Variants in NPAS2 observed in about 807,000 individuals in gnomAD.
NPAS2 encodes neuronal PAS domain-containing protein 2.
NPAS2 carries 23 observed loss-of-function variants against 107.5 expected under a neutral mutation model. That is an observed-to-expected ratio of 0.21 (90% confidence interval 0.15 to 0.30). The LOEUF is 0.30. Among genes scored for constraint, NPAS2 ranks in the 10% least tolerant of loss-of-function variants. The pLI is 1.00. For missense variants in NPAS2, 756 were observed against 1,043.3 expected (o/e 0.72, Z 3.79); for synonymous variants, 403 against 417.5 (o/e 0.97, Z 0.42).
chr2:100,830,256 T>C (rs1187416479), intron 1 of NPAS2, among the ~76,000 whole-genome samples: 1 of 152,204 alleles, frequency 6.6e-6, no homozygotes, highest in Non-Finnish European at 1.5e-5. Context: ...TATGAATGCC[T>C]ATATTTTTTG....
chr2:100,861,994 T>C (rs1678971688), intron 1 of NPAS2, among the ~76,000 whole-genome samples: 1 of 152,210 alleles, frequency 6.6e-6, no homozygotes, highest in South Asian at 2.1e-4. Flanking sequence ...TGTATACATA[T>C]GTATGTCTAT....
At chr2:100,825,398 A>G (rs1676312876) in intron 1 of NPAS2, among the ~76,000 whole-genome samples, 1 of 152,356 alleles carries the variant, frequency 6.6e-6, no homozygotes, top group Non-Finnish European at 1.5e-5. Flanking sequence ...TTTTCTATGC[A>G]TTGAAATATT....
chr2:100,921,802 A>C (rs1400074439), intron 2 of NPAS2, among the ~76,000 whole-genome samples: 1 of 152,184 alleles, frequency 6.6e-6, no homozygotes, highest in Admixed American at 6.5e-5. Context: ...CGCTTAGCAG[A>C]TGACCCAGCA....
intron 1 of NPAS2, among the ~76,000 whole-genome samples, chr2:100,841,545 G>T (rs1677400318): frequency 2.0e-5 from 3 of 152,318 alleles, no homozygotes; most frequent in South Asian, 2.1e-4. Context: ...CCCTATTTGT[G>T]TGCCTAAGAT....
Position 100,993,500 on chromosome 2 carries a change from G to T in NPAS2, c.2265G>T (p.Arg755=). The change falls in exon 20 of 21, where the codon CGG becomes CGT. Residue 755 remains arginine, a synonymous_variant. Coordinates refer to ENST00000335681, the MANE Select transcript of NPAS2 (RefSeq NM_002518.4). ...QPSPLQPAQA[R]QQPPQHYLQV... is the part of the protein sequence containing the mutation. The stretch of plus-strand genomic sequence containing the variant: ...CGCCCCTGCAGCCTGCACAGGCCCG[G>T]CAGCAGCCACCGCAGCACTACCTGC... 6.3e-7 allele frequency: 1 copy of T among 1,593,948 alleles called. No homozygotes were observed. Among genetic ancestry groups the T allele is most frequent in the Non-Finnish European group, 8.5e-7 (1 of 1,170,426 alleles).
intron 1 of NPAS2, among the ~76,000 whole-genome samples, chr2:100,840,898 G>T (rs1677357308): frequency 6.6e-6 from 1 of 152,112 alleles, no homozygotes; most frequent in Admixed American, 6.6e-5. Context: ...CTAGAACACG[G>T]TGCTTACCAG....
intron 2 of NPAS2, among the ~76,000 whole-genome samples, chr2:100,920,349 C>T (rs1033432404): frequency 1.3e-5 from 2 of 152,084 alleles, no homozygotes; most frequent in African/African-American, 4.8e-5. Flanking sequence ...TGGTAATTAG[C>T]TTAATTTAAT....
intron 15 of NPAS2, among the ~76,000 whole-genome samples, 189 bp from the exon 16 acceptor site, chr2:100,982,042 C>T (rs1262554778): frequency 6.6e-6 from 1 of 152,206 alleles, no homozygotes; most frequent in Non-Finnish European, 1.5e-5. Flanking sequence ...TGCAGGGGCC[C>T]CCAGGATGCC....
chr2:100,839,810 G>A (rs1335508794), intron 1 of NPAS2, among the ~76,000 whole-genome samples: 1 of 152,008 alleles, frequency 6.6e-6, no homozygotes, highest in Admixed American at 6.6e-5. Context: ...CATGTCTAGA[G>A]TTTTTGTTTC....
At chr2:100,879,525 G>A (rs1006327409) in intron 1 of NPAS2, among the ~76,000 whole-genome samples, 14 of 151,930 alleles carry the variant, frequency 9.2e-5, no homozygotes, top group African/African-American at 3.4e-4. Flanking sequence ...CCAAACCCCT[G>A]GTAACCACTA....
chr2:100,994,041 G>C (rs549282475), intron 20 of NPAS2: 1 of 152,566 alleles, frequency 6.6e-6, no homozygotes, highest in East Asian at 1.9e-4. Context: ...ATTACTTCAA[G>C]CAAGTGCCAA....
At chr2:100,827,034 A>C (rs1030870643) in intron 1 of NPAS2, among the ~76,000 whole-genome samples, 1 of 152,224 alleles carries the variant, frequency 6.6e-6, no homozygotes, top group Non-Finnish European at 1.5e-5. Flanking sequence ...TCGATGGTAC[A>C]TGAAGACGCA....
chr2:100,856,972 G>A (rs7598826), intron 1 of NPAS2, among the ~76,000 whole-genome samples: 86,764 of 152,002 alleles, frequency 0.57, 25,584 homozygotes, highest in African/African-American at 0.66. Flanking sequence ...TGGCTGGTGC[G>A]GCATGGATAG....
At chr2:100,832,566 G>A (rs552184178) in intron 1 of NPAS2, among the ~76,000 whole-genome samples, 3 of 152,250 alleles carry the variant, frequency 2.0e-5, no homozygotes, top group South Asian at 2.1e-4. Flanking sequence ...ACAGTCCCTC[G>A]GTGGGAGTTG....
At chr2:100,829,397 C>A (rs932646808) in intron 1 of NPAS2, among the ~76,000 whole-genome samples, 1 of 152,138 alleles carries the variant, frequency 6.6e-6, no homozygotes, top group African/African-American at 2.4e-5. Flanking sequence ...AAGTGATCCG[C>A]CCGCCTGATC....
At chr2:100,987,128 G>C (rs970010442) in intron 16 of NPAS2, 7 of 152,172 alleles carry the variant, frequency 4.6e-5, no homozygotes, top group Non-Finnish European at 8.8e-5. Flanking sequence ...GTAGAGACAG[G>C]GTTTCACCAT....
At chr2:100,880,089 T>G (rs1194187481) in intron 1 of NPAS2, among the ~76,000 whole-genome samples, 1 of 152,258 alleles carries the variant, frequency 6.6e-6, no homozygotes, top group Non-Finnish European at 1.5e-5. Context: ...ATGGCTTTAA[T>G]TTAAAAGAAT....
In NPAS2 at chr2:100,968,435, C is replaced by T. The variant is rs377105534; in HGVS notation, c.1055+7C>T. The T allele has an allele frequency of 2.3e-4, 377 of 1,612,720 alleles. No homozygotes were observed. Among genetic ancestry groups the T allele is most frequent in the South Asian group, 7.0e-4 (64 of 91,020 alleles). ...GCACACACTCGGTGGTCAGGTACCG[C>T]GCACGGGCAGGGGTGCGGCTGCGTC... On this transcript the variant is annotated splice_region_variant and intron_variant, in intron 11 of 20. Coordinates refer to ENST00000335681, the MANE Select transcript of NPAS2 (RefSeq NM_002518.4). The surrounding 1 kb of genome is among the most constrained non-coding windows in gnomAD (Gnocchi z 5.3).
chr2:100,889,913 T>C (rs1573553433), intron 1 of NPAS2, among the ~76,000 whole-genome samples: 1 of 148,378 alleles, frequency 6.7e-6, no homozygotes, highest in Non-Finnish European at 1.5e-5. Flanking sequence ...TTTGTGTAGA[T>C]GCCTTGGAGA....
Sources: gnomAD v4.1 joint callset for allele counts (sites outside exome capture counted in the v4.1 genomes callset) on GRCh38, gnomAD v4.1.1 for gene constraint, Gnocchi (gnomAD v3.1) non-coding constraint, MANE v1.5 for transcripts, NCBI Gene and HGNC (gene_info 2026-07-23, HGNC 2026-07-21) for gene names.